Variants in SHISA6 observed in about 807,000 individuals in gnomAD.
The protein encoded by SHISA6 is shisa family member 6, also known as protein shisa-6.
Under a neutral mutation model 47.9 loss-of-function variants are expected in SHISA6, and 22 were observed. The ratio of observed to expected loss-of-function variants is 0.46; its 90% CI spans 0.33 to 0.66. SHISA6 has a LOEUF of 0.66. Ranked by LOEUF, SHISA6 falls within the 30% of genes least tolerant of loss-of-function variation. The pLI is 0.02. For synonymous variants in SHISA6, 388 were observed against 337.8 expected, an observed-to-expected ratio of 1.15 and a Z score of -1.63; for missense variants, 680 against 764.6, an observed-to-expected ratio of 0.89 and a Z score of 1.30.
At chr17:11,471,955 G>C (rs1915944130) in intron 3 of SHISA6, among the ~76,000 whole-genome samples, 1 of 151,932 alleles carries the variant, frequency 6.6e-6, no homozygotes, top group African/African-American at 2.4e-5. Context: ...TTATCACCCA[G>C]AGTCCATAAT....
At chr17:11,523,728 G>A (rs1031518243) in intron 3 of SHISA6, among the ~76,000 whole-genome samples, 22 of 152,254 alleles carry the variant, frequency 1.4e-4, no homozygotes, top group Admixed American at 1.2e-3. Flanking sequence ...TAATACGGCT[G>A]GGCGCAGTGA....
At chr17:11,247,955 T>C (rs1335369999) in intron 1 of SHISA6, among the ~76,000 whole-genome samples, 1 of 152,126 alleles carries the variant, frequency 6.6e-6, no homozygotes, top group Non-Finnish European at 1.5e-5. Flanking sequence ...TTTGTATTTT[T>C]AGTAGAGACA....
intron 3 of SHISA6, among the ~76,000 whole-genome samples, chr17:11,467,839 C>T (rs1452636288): frequency 6.6e-6 from 1 of 152,138 alleles, no homozygotes. Context: ...CAGATAATGG[C>T]GAACCAAGTA....
chr17:11,493,994 A>C (rs2071387999), intron 3 of SHISA6, among the ~76,000 whole-genome samples: 1 of 152,084 alleles, frequency 6.6e-6, no homozygotes, highest in African/African-American at 2.4e-5. Flanking sequence ...GTGGTGATTA[A>C]ATCTGATAAT....
At chr17:11,334,183 G>T (rs1257726563) in intron 2 of SHISA6, among the ~76,000 whole-genome samples, 1 of 152,172 alleles carries the variant, frequency 6.6e-6, no homozygotes, top group Non-Finnish European at 1.5e-5. Context: ...TGCAACCAGA[G>T]TCCCAAGAAG....
At chr17:11,322,821 G>C (rs1031753313) in intron 2 of SHISA6, among the ~76,000 whole-genome samples, 3 of 152,150 alleles carry the variant, frequency 2.0e-5, no homozygotes, top group Non-Finnish European at 4.4e-5. Flanking sequence ...AAAGAAATGT[G>C]GAACTACATC....
At chr17:11,442,158 C>T (rs1455145575) in intron 3 of SHISA6, among the ~76,000 whole-genome samples, 1 of 152,220 alleles carries the variant, frequency 6.6e-6, no homozygotes, top group Non-Finnish European at 1.5e-5. Context: ...GCATTTGACA[C>T]TTGTAATACT....
intron 3 of SHISA6, among the ~76,000 whole-genome samples, chr17:11,541,182 T>C (rs748899653): frequency 1.1e-4 from 16 of 152,204 alleles, no homozygotes; most frequent in Non-Finnish European, 1.9e-4. Context: ...AGAAGACAGA[T>C]GGAAACCCAG....
chr17:11,275,071 A>G (rs1157655190), intron 2 of SHISA6, among the ~76,000 whole-genome samples: 2 of 152,144 alleles, frequency 1.3e-5, no homozygotes, highest in Non-Finnish European at 2.9e-5. Context: ...GACAGGAGTG[A>G]TTAAAGATTT....
intron 3 of SHISA6, among the ~76,000 whole-genome samples, chr17:11,481,507 T>C (rs1471621526): frequency 6.6e-6 from 1 of 150,788 alleles, no homozygotes; most frequent in East Asian, 1.9e-4. Flanking sequence ...GTTTTTTTTT[T>C]TTGGAGATGG....
chr17:11,413,452 C>T (rs1427458367), intron 3 of SHISA6, among the ~76,000 whole-genome samples: 1 of 152,202 alleles, frequency 6.6e-6, no homozygotes, highest in Non-Finnish European at 1.5e-5. Flanking sequence ...GAGGACAATA[C>T]CACCAGACAC....
intron 3 of SHISA6, among the ~76,000 whole-genome samples, chr17:11,393,029 C>T (rs755338136): frequency 6.6e-6 from 1 of 152,238 alleles, no homozygotes; most frequent in Non-Finnish European, 1.5e-5. Flanking sequence ...GAGCATTTGC[C>T]CCTAAGCCTA....
chr17:11,469,080 GA>G (rs1420967770), intron 3 of SHISA6, among the ~76,000 whole-genome samples: 1 of 122,740 alleles, frequency 8.1e-6, no homozygotes, highest in Non-Finnish European at 1.7e-5. Context: ...ACTTTCCAAA[GA>G]CAGAAGACAG....
At position 11,242,074 on chromosome 17, in the gene SHISA6, G is replaced by T. The variant is rs1398838738; in HGVS notation, c.638+14G>T. On this transcript the variant is annotated intron_variant, in intron 1 of 5. Coordinates refer to ENST00000441885, the MANE Select transcript of SHISA6 (RefSeq NM_207386.4). ...GAACATCCACAGGTGAGAGCGCCGC[G>T]TGCCGCGCGCCCCGGTCTCCCCGCG... The T allele has an allele frequency of 6.5e-7, 1 of 1,549,302 alleles. No individual in the cohort carries two copies. The highest frequency in any genetic ancestry group is 2.0e-5 in the Admixed American group (1 of 51,012).
chr17:11,274,616 G>C (rs906703365), intron 2 of SHISA6, among the ~76,000 whole-genome samples: 28 of 152,270 alleles, frequency 1.8e-4, no homozygotes, highest in Middle Eastern at 3.4e-3. Flanking sequence ...CAGAGTAAAG[G>C]CTATTTGGGA....
intron 2 of SHISA6, among the ~76,000 whole-genome samples, chr17:11,292,942 A>C (rs1220249011): frequency 6.7e-6 from 1 of 150,348 alleles, no homozygotes; most frequent in Non-Finnish European, 1.5e-5. Context: ...CTCCTGCCTC[A>C]GCCTCCGGAG....
chr17:11,419,516 T>C (rs1914391128), intron 3 of SHISA6, among the ~76,000 whole-genome samples: 1 of 152,202 alleles, frequency 6.6e-6, no homozygotes, highest in African/African-American at 2.4e-5. Flanking sequence ...CTGCTGTAGT[T>C]AGATTACGTT....
At chr17:11,398,625 G>C (rs1055569427) in intron 3 of SHISA6, among the ~76,000 whole-genome samples, 1 of 151,222 alleles carries the variant, frequency 6.6e-6, no homozygotes, top group Non-Finnish European at 1.5e-5. Flanking sequence ...ACAGACTCTC[G>C]CTCTGTTGCC....
chr17:11,432,556 C>A (rs1914811453), intron 3 of SHISA6, among the ~76,000 whole-genome samples: 1 of 152,048 alleles, frequency 6.6e-6, no homozygotes, highest in Non-Finnish European at 1.5e-5. Context: ...GGTAACTGAC[C>A]CTGCCTAACT....
Sources: allele counts gnomAD v4.1 joint callset (sites outside exome capture counted in the v4.1 genomes callset), GRCh38; gene constraint gnomAD v4.1.1; transcripts MANE v1.5; gene names NCBI Gene and HGNC (gene_info 2026-07-23, HGNC 2026-07-21).